Variants in ANO4 observed in about 807,000 individuals in gnomAD.
The protein encoded by ANO4 is anoctamin 4, also known as anoctamin-4.
ANO4 carries 69 observed loss-of-function variants against 141.9 expected under a neutral mutation model. The observed-to-expected ratio is 0.49, with a 90% CI of 0.40 to 0.59. ANO4 has a LOEUF of 0.59. Ranked by LOEUF, ANO4 falls within the 20% of genes least tolerant of loss-of-function variation. The pLI, the probability that ANO4 is intolerant of heterozygous loss-of-function variation, is 0.00. For synonymous variants in ANO4, 350 were observed against 394.3 expected (o/e 0.89, Z 1.33); for missense variants, 894 against 1,162.2 (o/e 0.77, Z 3.36).
intron 1 of ANO4, among the ~76,000 whole-genome samples, chr12:100,822,443 C>G (rs1007396178): frequency 3.3e-5 from 5 of 152,030 alleles, no homozygotes; most frequent in Non-Finnish European, 5.9e-5. Flanking sequence ...TCACCCTGTT[C>G]AGGTCTTCTT....
chr12:101,116,572 T>G, intron 24 of ANO4, 107 bp from the exon 25 acceptor site: 2 of 1,514,134 alleles, frequency 1.3e-6, no homozygotes, highest in South Asian at 2.4e-5. Context: ...AAGGGCCAGT[T>G]AAAGGCATTT....
chr12:100,916,904 G>A (rs1315749323), intron 2 of ANO4, among the ~76,000 whole-genome samples: 2 of 151,416 alleles, frequency 1.3e-5, no homozygotes, highest in Non-Finnish European at 2.9e-5. Flanking sequence ...GTGCTTTGAT[G>A]CCCTGGAAGT....
rs138717582 is a variant in ANO4 at position 100,820,123 on chromosome 12, A to G, written c.-141+25096A>G. 1.4e-4 allele frequency among the ~76,000 whole-genome samples: 16 copies of G among 113,334 alleles called. No individual in the cohort carries two copies. In the South Asian group the frequency reaches 4.2e-3, roughly 30 times the overall value. The allele number at this position is 113,334 out of a possible 152,430, so 74.4% of individuals were successfully genotyped here. On this transcript the variant is annotated intron_variant, in intron 1 of 27. Transcript: ENST00000392977. ...TTCCTTCCAGTTTAGTTTGGCATTT[A>G]TAGTTTTCGTGGTTGTGTGGCTCTT... is the stretch of plus-strand genomic sequence containing the variant.
intron 1 of ANO4, among the ~76,000 whole-genome samples, chr12:100,806,193 A>G (rs1350586476): frequency 6.6e-6 from 1 of 152,112 alleles, no homozygotes; most frequent in Non-Finnish European, 1.5e-5. Context: ...GAATTCTAAA[A>G]GTGGAATGCC....
intron 9 of ANO4, among the ~76,000 whole-genome samples, chr12:101,023,980 A>G (rs2046635553): frequency 6.6e-6 from 1 of 152,230 alleles, no homozygotes; most frequent in South Asian, 2.1e-4. Context: ...TAGAAATAAC[A>G]TGAAAATACT....
chr12:101,037,215 G>C, intron 10 of ANO4, 65 bp downstream of exon 10: 1 of 1,513,876 alleles, frequency 6.6e-7, no homozygotes, highest in Non-Finnish European at 9.1e-7. Context: ...AGCTTCTAGA[G>C]ATAGTCAATA....
At chr12:100,948,142 C>A (rs1451768844) in intron 5 of ANO4, among the ~76,000 whole-genome samples, 2 of 105,198 alleles carry the variant, frequency 1.9e-5, no homozygotes, top group Non-Finnish European at 3.5e-5. Flanking sequence ...CAGAGCAAGA[C>A]TTCGTCTCAA....
At position 101,127,896 on chromosome 12, in the gene ANO4, T is replaced by G. The variant is rs1383714953; in HGVS notation, c.*40T>G. The stretch of plus-strand genomic sequence containing the variant: ...CTTTCCAGGCCAAGGACCTGAATTC[T>G]GTTTACTTCTTCTGGCTGTGCAAAA... On this transcript the variant is annotated 3_prime_UTR_variant, in exon 28 of 28. Transcript: ENST00000392977. 6.5e-6 allele frequency: 1 copy of G among 152,684 alleles called. No homozygotes were observed. The highest frequency in any genetic ancestry group is 2.4e-5 in the African/African-American group (1 of 41,458). The allele number at this position is 152,684 out of a possible 1,614,324, so 9.5% of individuals were successfully genotyped here.
At chr12:100,971,709 CT>C (rs2043942308) in intron 6 of ANO4, among the ~76,000 whole-genome samples, 1 of 152,110 alleles carries the variant, frequency 6.6e-6, no homozygotes, top group Non-Finnish European at 1.5e-5. Context: ...CTGTGTACTG[CT>C]GCTTTGAACA....
intron 1 of ANO4, among the ~76,000 whole-genome samples, chr12:100,889,016 G>A (rs970423319): frequency 1.4e-5 from 2 of 147,840 alleles, no homozygotes; most frequent in Middle Eastern, 3.2e-3. Context: ...ATCTCCTAAT[G>A]CTATCCCTCC....
chr12:101,125,308 A>G (rs781012892), intron 26 of ANO4, among the ~76,000 whole-genome samples: 23 of 152,126 alleles, frequency 1.5e-4, no homozygotes, highest in Non-Finnish European at 2.9e-4. Context: ...ATTTTTGCAC[A>G]TTGATTTTGT....
intron 5 of ANO4, among the ~76,000 whole-genome samples, chr12:100,954,289 T>C (rs75921646): frequency 0.042 from 6,428 of 152,240 alleles, 176 homozygotes; most frequent in Non-Finnish European, 0.057. Flanking sequence ...CTCCCATCAC[T>C]TCAGCCTGAA....
intron 1 of ANO4, among the ~76,000 whole-genome samples, chr12:100,732,310 T>C (rs2031411026): frequency 6.6e-6 from 1 of 152,194 alleles, no homozygotes; most frequent in South Asian, 2.1e-4. Flanking sequence ...TTAATTTGCA[T>C]TTCTCTGGTG....
At chr12:100,790,657 G>A (rs200301820), upstream of ANO4, among the ~76,000 whole-genome samples, 1 of 149,396 alleles carries the variant, frequency 6.7e-6, no homozygotes, top group Non-Finnish European at 1.5e-5. Flanking sequence ...AAAAAAAAAA[G>A]AAAAAATTAT....
At chr12:100,836,135 T>C (rs117339882) in intron 1 of ANO4, among the ~76,000 whole-genome samples, 3,886 of 152,290 alleles carry the variant, frequency 0.026, 66 homozygotes, top group Non-Finnish European at 0.037. Context: ...TCTTTGCATA[T>C]ACGTTTTACT....
chr12:101,064,871 C>T (rs116876155), intron 14 of ANO4, among the ~76,000 whole-genome samples: 2,191 of 152,206 alleles, frequency 0.014, 19 homozygotes, highest in Non-Finnish European at 0.024. Context: ...CCTGCTCCCT[C>T]CCACATGAGA....
chr12:100,922,106 G>A lies in ANO4; in HGVS notation c.56-120G>A, dbSNP rs777548179. On this transcript the variant is annotated intron_variant, in intron 2 of 27. Coordinates refer to ENST00000392977, the MANE Select transcript of ANO4 (RefSeq NM_001286615.2). ...CTTAAGTCCTTTGTCTAAGAAGGAGGATCATTGGCAAACCAGCTAGCCATT... is the reference window on the plus strand; with the variant it reads ...CTTAAGTCCTTTGTCTAAGAAGGAGAATCATTGGCAAACCAGCTAGCCATT... 1.4e-5 allele frequency: 8 copies of A among 581,852 alleles called. No homozygotes were observed. The African/African-American group carries it at 1.5e-4, about 11-fold the overall frequency. 36.0% of individuals were successfully genotyped at this position (581,852 alleles called of 1,614,324 possible).
chr12:101,018,854 A>G (rs1408995419), intron 8 of ANO4, among the ~76,000 whole-genome samples: 2 of 152,118 alleles, frequency 1.3e-5, no homozygotes, highest in Non-Finnish European at 2.9e-5. Flanking sequence ...CTTCCCCACT[A>G]TACTGTAAGC....
Position 101,011,318 on chromosome 12 carries a change from C to CTTTTTTTT in ANO4, c.735-8706_735-8699dup, listed in dbSNP as rs59483191. 1.4e-4 allele frequency among the ~76,000 whole-genome samples: 15 copies of CTTTTTTTT among 110,658 alleles called. 3 individuals are homozygous for CTTTTTTTT. Among genetic ancestry groups the CTTTTTTTT allele is most frequent in the Non-Finnish European group, 1.9e-4 (10 of 51,370 alleles). 72.6% of individuals were successfully genotyped at this position (110,658 alleles called of 152,430 possible). On this transcript the variant is annotated intron_variant, in intron 8 of 27. Coordinates refer to ENST00000392977, the MANE Select transcript of ANO4 (RefSeq NM_001286615.2). ...CATAGGAGGAATCATGGCCTTTTTT[C>CTTTTTTTT]TTTTTTTTTTTTTTTTTGCAATCTA...
Sources: gnomAD v4.1 joint callset for allele counts (sites outside exome capture counted in the v4.1 genomes callset) on GRCh38, gnomAD v4.1.1 for gene constraint, MANE v1.5 for transcripts, NCBI Gene and HGNC (gene_info 2026-07-23, HGNC 2026-07-21) for gene names.